The following WIPF3 variants were observed in gnomAD, a reference collection of about 807,000 sequenced individuals.
WIPF3 encodes the protein WAS/WASL interacting protein family member 3.
In WIPF3, 33 loss-of-function variants were observed where a neutral mutation model predicts 38.9. The observed-to-expected ratio is 0.85, with a 90% CI of 0.64 to 1.14. The LOEUF (loss-of-function observed/expected upper bound fraction) is 1.14, where lower values mean the gene tolerates loss of function less well. Among genes scored for constraint, WIPF3 ranks in the 50% most tolerant of loss-of-function variants. The pLI, the probability that WIPF3 is intolerant of heterozygous loss-of-function variation, is 0.00. For synonymous variants in WIPF3, 324 were observed against 269.3 expected (o/e 1.20, Z -1.99); for missense variants, 711 against 652.5 (o/e 1.09, Z -0.98).
intron 2 of WIPF3, among the ~76,000 whole-genome samples, chr7:29,855,411 A>G (rs1390408130): frequency 6.6e-6 from 1 of 152,248 alleles, no homozygotes; most frequent in Non-Finnish European, 1.5e-5. Flanking sequence ...TGCAGTAGCA[A>G]TGCATTTAGA....
At chr7:29,847,254 A>G (rs1785015027) in intron 2 of WIPF3, among the ~76,000 whole-genome samples, 1 of 152,196 alleles carries the variant, frequency 6.6e-6, no homozygotes, top group Non-Finnish European at 1.5e-5. Context: ...CTTGTGGTCA[A>G]TACAGGGCAG....
chr7:29,895,037 T>C (rs1022521107), intron 7 of WIPF3, among the ~76,000 whole-genome samples: 8 of 152,024 alleles, frequency 5.3e-5, no homozygotes, highest in African/African-American at 1.9e-4. Flanking sequence ...CTACAACCTC[T>C]GCCTCCTGGG....
In WIPF3 at chr7:29,878,473, G is replaced by T. The variant is rs1398429038; in HGVS notation, c.224-536G>T. On this transcript the variant is annotated intron_variant, in intron 3 of 8. Coordinates refer to ENST00000242140, the MANE Select transcript of WIPF3 (RefSeq NM_001080529.3). This position sits in a 1 kb window ranked among gnomAD's most constrained non-coding sequence, Gnocchi z 4.0. ...GAAAAGGTGCAGGGAGGTGCGAGGG[G>T]CTGGGGGCTTGAGGGCTGGAGAGAC... Among the ~76,000 whole-genome samples, 1 of 152,184 alleles carries T rather than the reference G, an allele frequency of 6.6e-6. No homozygotes were observed. Among genetic ancestry groups the T allele is most frequent in the Non-Finnish European group, 1.5e-5 (1 of 68,036 alleles).
chr7:29,824,567 A>G (rs1030388107), intron 1 of WIPF3, among the ~76,000 whole-genome samples: 1 of 152,042 alleles, frequency 6.6e-6, no homozygotes, highest in Non-Finnish European at 1.5e-5. Context: ...AAAAAAAAGA[A>G]AAAAAAGGAT....
At chr7:29,872,029 C>T (rs1463175178) in intron 2 of WIPF3, among the ~76,000 whole-genome samples, 2 of 152,164 alleles carry the variant, frequency 1.3e-5, no homozygotes, top group African/African-American at 4.8e-5. Flanking sequence ...CAAGAGTGAA[C>T]TTGGAAGTAA....
chr7:29,882,175 G>T (rs528657940), intron 4 of WIPF3, among the ~76,000 whole-genome samples: 42 of 152,174 alleles, frequency 2.8e-4, no homozygotes, highest in Non-Finnish European at 5.1e-4. Context: ...TCACTTTAAG[G>T]GTTTTTGAAT....
intron 1 of WIPF3, among the ~76,000 whole-genome samples, chr7:29,819,330 CT>C (rs1172098514): frequency 1.3e-5 from 2 of 151,954 alleles, no homozygotes; most frequent in Non-Finnish European, 2.9e-5. Flanking sequence ...TCAGCAAAAT[CT>C]TTTAATGTCT....
chr7:29,820,717 C>A (rs1784521806), intron 1 of WIPF3, among the ~76,000 whole-genome samples: 1 of 152,104 alleles, frequency 6.6e-6, no homozygotes, highest in South Asian at 2.1e-4. Flanking sequence ...TTGGTATAAT[C>A]ACTTTTTCTT....
At chr7:29,863,493 C>T (rs918540576) in intron 2 of WIPF3, among the ~76,000 whole-genome samples, 27 of 152,356 alleles carry the variant, frequency 1.8e-4, no homozygotes, top group Non-Finnish European at 3.4e-4. Context: ...GTCCTAAAAT[C>T]AGGTAATGTG....
chr7:29,885,885 A>G (rs1239876916), intron 5 of WIPF3, among the ~76,000 whole-genome samples: 2 of 152,208 alleles, frequency 1.3e-5, no homozygotes, highest in East Asian at 1.9e-4. Flanking sequence ...CCATTTGGAT[A>G]GGTTTCTTCA....
chr7:29,885,559 C>T (rs1005513241), intron 5 of WIPF3, among the ~76,000 whole-genome samples: 2 of 152,136 alleles, frequency 1.3e-5, no homozygotes, highest in African/African-American at 4.8e-5. Flanking sequence ...ACCGGTAATC[C>T]CACTGCTTTG....
At chr7:29,901,287 A>G (rs1786269688) in intron 7 of WIPF3, among the ~76,000 whole-genome samples, 1 of 151,942 alleles carries the variant, frequency 6.6e-6, no homozygotes, top group Non-Finnish European at 1.5e-5. Flanking sequence ...TTCTGGTGGC[A>G]TCTCATAAGG....
chr7:29,815,138 A>G (rs1784436745), intron 1 of WIPF3, among the ~76,000 whole-genome samples: 1 of 152,234 alleles, frequency 6.6e-6, no homozygotes, highest in Non-Finnish European at 1.5e-5. Flanking sequence ...GAAAAAATAA[A>G]GTAGCGTCAG....
intron 1 of WIPF3, among the ~76,000 whole-genome samples, chr7:29,833,923 A>G (rs1468349211): frequency 6.6e-6 from 1 of 152,218 alleles, no homozygotes; most frequent in Non-Finnish European, 1.5e-5. Flanking sequence ...ACACATATGC[A>G]TGCACACATA....
At chr7:29,852,831 C>G (rs569982823) in intron 2 of WIPF3, among the ~76,000 whole-genome samples, 13 of 152,192 alleles carry the variant, frequency 8.5e-5, no homozygotes, top group Non-Finnish European at 1.6e-4. Context: ...TCCAAAGTCA[C>G]TTATTGACAG....
At chr7:29,914,461 C>A in intron 8 of WIPF3, 32 bp from the exon 9 acceptor site, 3 of 1,480,568 alleles carry the variant, frequency 2.0e-6, no homozygotes, top group Non-Finnish European at 2.7e-6. Flanking sequence ...TCTTCTAACT[C>A]CACCTGGTAA....
chr7:29,885,675 G>A (rs1719230304), intron 5 of WIPF3, among the ~76,000 whole-genome samples: 1 of 152,116 alleles, frequency 6.6e-6, no homozygotes, highest in Non-Finnish European at 1.5e-5. Flanking sequence ...AATTGGCTGG[G>A]CATGGTGGCA....
intron 1 of WIPF3, among the ~76,000 whole-genome samples, chr7:29,809,506 G>A (rs1447001593): frequency 6.6e-6 from 1 of 152,194 alleles, no homozygotes; most frequent in Non-Finnish European, 1.5e-5. Flanking sequence ...AACTTCGAGG[G>A]GAACTATTAA....
At chr7:29,852,633 A>G (rs1785121589) in intron 2 of WIPF3, among the ~76,000 whole-genome samples, 3 of 152,202 alleles carry the variant, frequency 2.0e-5, no homozygotes, top group Admixed American at 6.5e-5. Context: ...CCCTAGGGCT[A>G]TGCAACCTGC....
Sources: allele counts gnomAD v4.1 joint callset (sites outside exome capture counted in the v4.1 genomes callset), GRCh38; gene constraint gnomAD v4.1.1; non-coding constraint Gnocchi (gnomAD v3.1); transcripts MANE v1.5; gene names NCBI Gene and HGNC (gene_info 2026-07-23, HGNC 2026-07-21).